CEP85L: variants seen among roughly 807,000 people sequenced by gnomAD.
CEP85L encodes centrosomal protein of 85 kDa-like.
CEP85L carries 60 observed loss-of-function variants against 100.3 expected under a neutral mutation model. That is an observed-to-expected ratio of 0.60 (90% CI 0.49 to 0.74). CEP85L has a LOEUF of 0.74. Ranked by LOEUF, CEP85L falls within the 30% of genes least tolerant of loss-of-function variation. The probability of loss-of-function intolerance (pLI) is 0.00; values close to 1 mark genes in which losing one functional copy is unlikely to be tolerated. For synonymous variants in CEP85L, 319 were observed against 322.7 expected, an observed-to-expected ratio of 0.99 and a Z score of 0.12; for missense variants, 973 against 936.2, an observed-to-expected ratio of 1.04 and a Z score of -0.51.
chr6:118,562,408 G>C (rs1779277199), intron 3 of CEP85L, among the ~76,000 whole-genome samples: 1 of 151,848 alleles, frequency 6.6e-6, no homozygotes, highest in Non-Finnish European at 1.5e-5. Context: ...CTGTCATGCA[G>C]GCTGGAATGC....
At chr6:118,502,070 AT>A in intron 5 of CEP85L, 1 of 865,972 alleles carries the variant, frequency 1.2e-6, no homozygotes, top group Non-Finnish European at 1.9e-6. Flanking sequence ...CATCCTGTGG[AT>A]CCCATTGTAG....
intron 1 of CEP85L, among the ~76,000 whole-genome samples, chr6:118,701,723 T>C (rs187110902): frequency 2.6e-5 from 4 of 151,958 alleles, no homozygotes; most frequent in African/African-American, 9.7e-5. Context: ...CTCAGCATCA[T>C]GCAATATACC....
intron 10 of CEP85L, among the ~76,000 whole-genome samples, chr6:118,476,746 T>A (rs1357311858): frequency 6.6e-6 from 1 of 152,214 alleles, no homozygotes; most frequent in African/African-American, 2.4e-5. Context: ...CACGGCCAAG[T>A]AAACAGTCTT....
intron 2 of CEP85L, among the ~76,000 whole-genome samples, chr6:118,630,960 CA>C (rs1160036788): frequency 4.6e-5 from 7 of 152,224 alleles, no homozygotes; most frequent in Non-Finnish European, 8.8e-5. Context: ...TGAATCATCC[CA>C]AAACCAACCA....
chr6:118,573,683 T>C (rs1000632849), intron 2 of CEP85L, among the ~76,000 whole-genome samples: 9 of 152,160 alleles, frequency 5.9e-5, no homozygotes, highest in African/African-American at 1.9e-4. Context: ...ATTACCATTA[T>C]AGATAGATGG....
chr6:118,517,599 C>G (rs180930143), intron 4 of CEP85L, among the ~76,000 whole-genome samples: 2 of 152,210 alleles, frequency 1.3e-5, no homozygotes, highest in Admixed American at 6.5e-5. Flanking sequence ...TATCCTGAGA[C>G]TTTGCTAAAG....
At chr6:118,548,380 C>T (rs1251917007) in intron 3 of CEP85L, 1 of 152,096 alleles carries the variant, frequency 6.6e-6, no homozygotes, top group African/African-American at 2.4e-5. Context: ...CTGTGATGAT[C>T]ACAGCTGCCA....
In CEP85L at chr6:118,568,147, C is replaced by T. The variant is rs540887108; in HGVS notation, c.233-1831G>A. Among the ~76,000 whole-genome samples the T allele has an allele frequency of 2.5e-3, 381 of 152,328 alleles. 2 individuals are homozygous for T. Among genetic ancestry groups the T allele is most frequent in the South Asian group, 0.012 (56 of 4,826 alleles). ...ATACAGGCAACAGCAGAGGCATCAC[C>T]TTTCCACAACAGCAGTGACAGACGT... On this transcript the variant is annotated intron_variant, in intron 2 of 12. Coordinates refer to ENST00000368491, the MANE Select transcript of CEP85L (RefSeq NM_001042475.3).
chr6:118,648,464 G>C (rs1322108649), intron 1 of CEP85L, among the ~76,000 whole-genome samples: 1 of 151,894 alleles, frequency 6.6e-6, no homozygotes, highest in Admixed American at 6.6e-5. Flanking sequence ...TCTATAAGCC[G>C]GGCGCGGTGG....
chr6:118,565,292 A>G (rs1779435579), intron 3 of CEP85L: 4 of 518,794 alleles, frequency 7.7e-6, no homozygotes, highest in Admixed American at 7.2e-5. Flanking sequence ...CATTTAACAA[A>G]TGAAAAGGAA....
At chr6:118,663,028 T>A (rs548685738) in intron 1 of CEP85L, among the ~76,000 whole-genome samples, 2 of 152,032 alleles carry the variant, frequency 1.3e-5, no homozygotes, top group African/African-American at 2.4e-5. Context: ...CTTTTTTGAA[T>A]GCTTAAAATA....
intron 2 of CEP85L, among the ~76,000 whole-genome samples, chr6:118,610,944 A>G (rs949253835): frequency 2.6e-5 from 4 of 152,208 alleles, no homozygotes; most frequent in Non-Finnish European, 5.9e-5. Context: ...CAAAGAATCA[A>G]GGGGAAGTCA....
chr6:118,556,711 T>C (rs985436105), intron 3 of CEP85L, among the ~76,000 whole-genome samples: 1 of 152,164 alleles, frequency 6.6e-6, no homozygotes, highest in Non-Finnish European at 1.5e-5. Flanking sequence ...TTAACAATAA[T>C]ATATCAACAA....
At chr6:118,633,744 T>C (rs1774321008) in intron 1 of CEP85L, among the ~76,000 whole-genome samples, 1 of 152,240 alleles carries the variant, frequency 6.6e-6, no homozygotes, top group Middle Eastern at 3.2e-3. Flanking sequence ...AATGTTATTG[T>C]ACTATAATTA....
intron 1 of CEP85L, among the ~76,000 whole-genome samples, chr6:118,671,766 C>T (rs761437883): frequency 1.3e-5 from 2 of 152,000 alleles, no homozygotes; most frequent in Admixed American, 6.6e-5. Context: ...GGTGAAACCC[C>T]GTCTCTACTA....
chr6:118,651,469 T>C lies in CEP85L; in HGVS notation c.-200A>G. On this transcript the variant is annotated 5_prime_UTR_variant, in exon 1 of 13. The change abolishes an upstream ATG in the 5' untranslated region. Transcript: ENST00000368491. ...TTCGCCGCACTGCCGGCGCCTGCCA[T>C]GGCCAAGCCGGCTGGGCTGAGGCCC... 3.0e-6 allele frequency: 4 copies of C among 1,312,098 alleles called. No homozygotes were observed. Among genetic ancestry groups the C allele is most frequent in the South Asian group, 2.1e-5 (1 of 47,850 alleles). 81.3% of individuals were successfully genotyped at this position (1,312,098 alleles called of 1,614,324 possible).
At chr6:118,483,599 A>G (rs1773954631) in intron 7 of CEP85L, 107 bp downstream of exon 7, 1 of 1,006,750 alleles carries the variant, frequency 9.9e-7, no homozygotes, top group South Asian at 1.6e-5. Context: ...TTAAGTCCCC[A>G]AAACAGCAAT....
At chr6:118,690,728 G>C (rs1042472929) in intron 1 of CEP85L, among the ~76,000 whole-genome samples, 1 of 152,244 alleles carries the variant, frequency 6.6e-6, no homozygotes, top group Non-Finnish European at 1.5e-5. Context: ...GCTTGGCATA[G>C]TGGCTCATGT....
intron 3 of CEP85L, chr6:118,559,116 C>T: frequency 1.3e-6 from 2 of 1,539,384 alleles, no homozygotes; most frequent in Non-Finnish European, 1.8e-6. Context: ...CAGCTTGCCA[C>T]ATCAGCTTAA....
Sources: gnomAD v4.1 joint callset for allele counts (sites outside exome capture counted in the v4.1 genomes callset) on GRCh38, gnomAD v4.1.1 for gene constraint, MANE v1.5 for transcripts, NCBI Gene and HGNC (gene_info 2026-07-23, HGNC 2026-07-21) for gene names.